The following MYO7B variants were observed in gnomAD, a reference collection of about 807,000 sequenced individuals.
MYO7B encodes myosin VIIB.
A neutral mutation model predicts 259.7 loss-of-function variants in MYO7B; 212 were observed. The ratio of observed to expected loss-of-function variants is 0.82; its 90% CI spans 0.73 to 0.91. MYO7B has a LOEUF of 0.91. Among genes scored for constraint, MYO7B ranks in the 40% least tolerant of loss-of-function variants. The pLI, the probability that MYO7B is intolerant of heterozygous loss-of-function variation, is 0.00. For synonymous variants in MYO7B, 1,197 were observed against 1,166.4 expected (o/e 1.03, Z -0.54); for missense variants, 2,732 against 2,813.5 (o/e 0.97, Z 0.66).
In MYO7B at chr2:127,576,643, G is replaced by A. The variant is rs1434126912; in HGVS notation, c.784G>A (p.Val262Met). 3 of 1,612,434 alleles carry A rather than the reference G, an allele frequency of 1.9e-6. No individual in the cohort carries two copies. The Admixed American group carries it at 5.0e-5, about 27-fold the overall frequency. The change falls in exon 8 of 48, where the codon GTG becomes ATG. Residue 262 changes from valine to methionine, a missense_variant. Val to Met is a conservative substitution (Grantham distance 21). Coordinates refer to ENST00000409816, the MANE Select transcript of MYO7B (RefSeq NM_001393586.1). The surrounding 1 kb of genome is among the most constrained non-coding windows in gnomAD (Gnocchi z 4.9). Reference protein sequence around the residue: ...YHIFYCMLMGVSAEDKQLLSL... With the variant: ...YHIFYCMLMGMSAEDKQLLSL... ...TATCTTCTACTGCATGCTCATGGGG[G>A]TGAGTGCTGAGGACAAGCAGCTGCT...
intron 19 of MYO7B, among the ~76,000 whole-genome samples, chr2:127,600,171 T>G (rs1174839532): frequency 6.6e-6 from 1 of 152,230 alleles, no homozygotes; most frequent in Non-Finnish European, 1.5e-5. Flanking sequence ...TTCAATTTAT[T>G]TAATAGTTAT....
At chr2:127,625,155 G>A (rs1681041354) in intron 30 of MYO7B, among the ~76,000 whole-genome samples, 1 of 152,250 alleles carries the variant, frequency 6.6e-6, no homozygotes, top group African/African-American at 2.4e-5. Flanking sequence ...TCCTCAGGCA[G>A]AGGGCCTGTG....
intron 15 of MYO7B, among the ~76,000 whole-genome samples, chr2:127,589,287 GTGGGTGGGTGGATGGATAGATGGA>G (rs1679448499): frequency 7.1e-6 from 1 of 140,964 alleles, no homozygotes; most frequent in African/African-American, 2.6e-5. Flanking sequence ...GGGTGGATGG[GTGGGTGGGTGGATGGATAGATGGA>G]TGGGTGGGTG....
intron 6 of MYO7B, 126 bp downstream of exon 6, chr2:127,570,036 C>A (rs1573634620): frequency 8.3e-7 from 1 of 1,203,468 alleles, no homozygotes; most frequent in Non-Finnish European, 1.1e-6. Context: ...CCTTGGGACA[C>A]AAAACACAAG....
chr2:127,629,635 G>A lies in MYO7B; in HGVS notation c.4625-10G>A, dbSNP rs1386145503. 6.2e-7 allele frequency: 1 copy of A among 1,610,014 alleles called. No homozygotes were observed. The highest frequency in any genetic ancestry group is 8.5e-7 in the Non-Finnish European group (1 of 1,178,490). On this transcript the variant is annotated splice_polypyrimidine_tract_variant and intron_variant, in intron 34 of 47. Transcript: ENST00000409816. ...AGAGCCCTCAGCAAATAGCCTCCCT[G>A]CCCTTACAGATGACACCACCCTCCT... is the stretch of plus-strand genomic sequence containing the variant.
intron 19 of MYO7B, among the ~76,000 whole-genome samples, chr2:127,602,861 G>A (rs918036519): frequency 2.0e-5 from 3 of 152,038 alleles, no homozygotes; most frequent in South Asian, 2.1e-4. Flanking sequence ...TTAGCCGGGC[G>A]TGGTGATGTG....
chr2:127,635,136 C>A lies in MYO7B; in HGVS notation c.5730C>A (p.Leu1910=). 1.2e-6 allele frequency: 2 copies of A among 1,612,992 alleles called. No individual in the cohort carries two copies. Among genetic ancestry groups the A allele is most frequent in the Non-Finnish European group, 1.7e-6 (2 of 1,179,618 alleles). ...KPQKEGAPVT[L]PYQVYFMRKL... ...CTCGCCCAGGGGCCCCCGTGACGCT[C>A]CCCTACCAGGTGTACTTCATGCGGA... Residue 1910 remains leucine (L), a synonymous_variant, in exon 43 of 48, where the codon CTC becomes CTA. Coordinates refer to ENST00000409816, the MANE Select transcript of MYO7B (RefSeq NM_001393586.1).
chr2:127,607,316 A>G lies in MYO7B; in HGVS notation c.2535A>G (p.Gly845=). ...RTVQLQALCR[G]YLVRQQVQAK... ...TCCAGCTGCAGGCCCTGTGCAGGGG[A>G]TACCTGGTGCGCCAGCAAGTCCAGG... Residue 845 remains glycine, a synonymous_variant, in exon 21 of 48, where the codon GGA becomes GGG. Transcript: ENST00000409816. This position sits in a 1 kb window ranked among gnomAD's most constrained non-coding sequence, Gnocchi z 4.4. The G allele has an allele frequency of 6.4e-7, 1 of 1,551,380 alleles. No homozygotes were observed. Among genetic ancestry groups the G allele is most frequent in the Non-Finnish European group, 8.7e-7 (1 of 1,146,906 alleles).
At chr2:127,554,970 T>G (rs760880007) in intron 1 of MYO7B, among the ~76,000 whole-genome samples, 1 of 150,782 alleles carries the variant, frequency 6.6e-6, no homozygotes, top group African/African-American at 2.5e-5. Context: ...TTTTTTGAGA[T>G]GGAGTTTCAC....
intron 27 of MYO7B, 115 bp downstream of exon 27, chr2:127,620,581 T>C (rs936383061): frequency 2.4e-6 from 3 of 1,248,802 alleles, no homozygotes; most frequent in Non-Finnish European, 3.2e-6. Context: ...TTTCTCCTGC[T>C]CCTGCAGGCC....
At chr2:127,622,726 G>T (rs1226409887) in intron 28 of MYO7B, among the ~76,000 whole-genome samples, 1 of 152,186 alleles carries the variant, frequency 6.6e-6, no homozygotes, top group Admixed American at 6.5e-5. Context: ...GCCCACAGGG[G>T]CTCCCTCCCA....
rs890809016 is a variant in MYO7B, at chr2:127,597,084, T to A, written c.2339+528T>A. 2.6e-5 allele frequency among the ~76,000 whole-genome samples: 4 copies of A among 152,062 alleles called. No homozygotes were observed. The highest frequency in any genetic ancestry group is 9.7e-5 in the African/African-American group (4 of 41,422). On this transcript the variant is annotated intron_variant, in intron 19 of 47. Coordinates refer to ENST00000409816, the MANE Select transcript of MYO7B (RefSeq NM_001393586.1). The surrounding 1 kb of genome is among the most constrained non-coding windows in gnomAD (Gnocchi z 4.8). ...GACAGCCAGCCCCGGGAATAGAGAA[T>A]GAGGGGACAGAGAGCAGGGCAGGGA...
In MYO7B at chr2:127,636,534, C is replaced by T. The variant is rs762083676; in HGVS notation, c.6124-11C>T. Reference sequence around the variant, plus strand: ...GGGCTGGACTATGACCGCCGTGTCCCTCCCTCCCAGCAAACCTCGGAGCCT... The same window carrying T: ...GGGCTGGACTATGACCGCCGTGTCCTTCCCTCCCAGCAAACCTCGGAGCCT... On this transcript the variant is annotated splice_polypyrimidine_tract_variant and intron_variant, in intron 45 of 47. Transcript: ENST00000409816. The surrounding 1 kb of genome is among the most constrained non-coding windows in gnomAD (Gnocchi z 4.5). The T allele has an allele frequency of 8.7e-6, 14 of 1,607,344 alleles. No individual in the cohort carries two copies. The South Asian group carries it at 1.1e-4, about 13-fold the overall frequency.
intron 26 of MYO7B, among the ~76,000 whole-genome samples, chr2:127,617,820 T>C (rs1231613097): frequency 6.6e-6 from 1 of 151,484 alleles, no homozygotes; most frequent in Non-Finnish European, 1.5e-5. Context: ...GGGTTTCTTA[T>C]TCATCTGGTT....
chr2:127,540,737 G>T (rs1692973391), intron 1 of MYO7B, among the ~76,000 whole-genome samples: 1 of 152,176 alleles, frequency 6.6e-6, no homozygotes, highest in South Asian at 2.1e-4. Context: ...ATGAATGAGG[G>T]TTTTCAAAGG....
chr2:127,636,126 T>C lies in MYO7B; in HGVS notation c.6007-82T>C. ...CCTCCCCTCCCCACCGTACTAGCCCTGGGGTAGGCAGGTGCTGCCCCCACC... is the reference window on the plus strand; with the variant it reads ...CCTCCCCTCCCCACCGTACTAGCCCCGGGGTAGGCAGGTGCTGCCCCCACC... On this transcript the variant is annotated intron_variant, in intron 44 of 47. Coordinates refer to ENST00000409816, the MANE Select transcript of MYO7B (RefSeq NM_001393586.1). The surrounding 1 kb of genome is among the most constrained non-coding windows in gnomAD (Gnocchi z 4.5). 2 of 1,245,318 alleles carry C rather than the reference T, an allele frequency of 1.6e-6. No homozygotes were observed. Among genetic ancestry groups the C allele is most frequent in the South Asian group, 1.3e-5 (1 of 76,312 alleles). 77.1% of individuals were successfully genotyped at this position (1,245,318 alleles called of 1,614,324 possible). A position where few individuals can be genotyped will look rare whatever the true frequency, so the allele number is the denominator to read the frequency against.
At chr2:127,624,033 G>C in intron 29 of MYO7B, 60 bp from the exon 30 acceptor site, 6 of 1,449,496 alleles carry the variant, frequency 4.1e-6, no homozygotes, top group Non-Finnish European at 5.6e-6. Context: ...GACGGTGGGC[G>C]TCCCCGTGGG....
At position 127,607,291 on chromosome 2, in the gene MYO7B, T is replaced by C. The variant is rs1387328518; in HGVS notation, c.2510T>C (p.Val837Ala). The C allele has an allele frequency of 6.4e-7, 1 of 1,551,284 alleles. No individual in the cohort carries two copies. Among genetic ancestry groups the C allele is most frequent in the South Asian group, 1.2e-5 (1 of 84,058 alleles). The part of the protein sequence containing the change: ...RQYQAMRQRT[V>A]QLQALCRGYL... Reference sequence around the variant, plus strand: ...TACCAGGCCATGCGGCAGAGGACAGTCCAGCTGCAGGCCCTGTGCAGGGGA... The same window carrying C: ...TACCAGGCCATGCGGCAGAGGACAGCCCAGCTGCAGGCCCTGTGCAGGGGA... Residue 837 changes from valine to alanine, a missense_variant, in exon 21 of 48, where the codon GTC becomes GCC. Around this residue, in one of 3 missense-constraint regions of MYO7B, gnomAD observed 1,906 missense variants for 2,026.4 expected, o/e 0.94. Transcript: ENST00000409816. The surrounding 1 kb of genome is among the most constrained non-coding windows in gnomAD (Gnocchi z 4.4).
At chr2:127,565,486 G>C in intron 4 of MYO7B, 101 bp downstream of exon 4, 1 of 1,472,090 alleles carries the variant, frequency 6.8e-7, no homozygotes, top group Non-Finnish European at 9.2e-7. Context: ...TGCCCCCCAT[G>C]CCCTCACTGA....
Sources: gnomAD v4.1 joint callset for allele counts (sites outside exome capture counted in the v4.1 genomes callset) on GRCh38, gnomAD v4.1.1 for gene constraint, gnomAD v4.1.1 regional missense constraint, Gnocchi (gnomAD v3.1) non-coding constraint, MANE v1.5 for transcripts, NCBI Gene and HGNC (gene_info 2026-07-23, HGNC 2026-07-21) for gene names.